SPATA6: variants seen among roughly 807,000 people sequenced by gnomAD.
The protein encoded by SPATA6 is spermatogenesis associated 6, also known as spermatogenesis-associated protein 6.
SPATA6 carries 56 observed loss-of-function variants against 65.3 expected under a neutral mutation model. The ratio of observed to expected loss-of-function variants is 0.86; its 90% CI spans 0.69 to 1.07. The LOEUF is 1.07. Among genes scored for constraint, SPATA6 ranks in the 50% least tolerant of loss-of-function variants. The pLI is 0.00. For missense variants in SPATA6, 590 were observed against 594.8 expected, an observed-to-expected ratio of 0.99 and a Z score of 0.08; for synonymous variants, 199 against 213.2, an observed-to-expected ratio of 0.93 and a Z score of 0.58.
At chr1:48,304,569 C>T (rs1271122942) in intron 12 of SPATA6, among the ~76,000 whole-genome samples, 1 of 152,122 alleles carries the variant, frequency 6.6e-6, no homozygotes, top group Non-Finnish European at 1.5e-5. Flanking sequence ...TTCTCAAACT[C>T]TTGGCCTCAA....
chr1:48,416,121 G>T (rs1652759146), intron 3 of SPATA6, among the ~76,000 whole-genome samples: 1 of 152,084 alleles, frequency 6.6e-6, no homozygotes, highest in African/African-American at 2.4e-5. Flanking sequence ...GAGATCACTT[G>T]AGCCAGGGAG....
At chr1:48,312,141 A>G (rs906207537) in intron 11 of SPATA6, among the ~76,000 whole-genome samples, 2 of 152,224 alleles carry the variant, frequency 1.3e-5, no homozygotes, top group Non-Finnish European at 2.9e-5. Context: ...CTCTGGGGGC[A>G]GGGAATAGCG....
Position 48,385,170 on chromosome 1 carries a change from A to G in SPATA6, c.909+139T>C. On this transcript the variant is annotated intron_variant, in intron 9 of 12. Coordinates refer to ENST00000371847, the MANE Select transcript of SPATA6 (RefSeq NM_019073.4). ...TGCCTGACAAAGTAACCAAAATAACATTATATGACAATTATTGTTTTTACA... is the reference window on the plus strand; with the variant it reads ...TGCCTGACAAAGTAACCAAAATAACGTTATATGACAATTATTGTTTTTACA... 4 of 777,718 alleles carry G rather than the reference A, an allele frequency of 5.1e-6. 1 individual carries two copies. In the South Asian group the frequency reaches 1.5e-4, roughly 29 times the overall value. The allele number at this position is 777,718 out of a possible 1,614,324, so 48.2% of individuals were successfully genotyped here.
At chr1:48,317,916 C>G (rs1014067085) in intron 11 of SPATA6, among the ~76,000 whole-genome samples, 3 of 152,102 alleles carry the variant, frequency 2.0e-5, no homozygotes, top group Admixed American at 1.3e-4. Context: ...CAGTAAAATA[C>G]TAGCAAGCCA....
intron 10 of SPATA6, among the ~76,000 whole-genome samples, chr1:48,357,703 C>T (rs1646697652): frequency 1.3e-5 from 2 of 152,038 alleles, no homozygotes; most frequent in Non-Finnish European, 2.9e-5. Context: ...CAGAGAATGT[C>T]TTATATTTAA....
chr1:48,314,090 T>C (rs1459650176), intron 11 of SPATA6, among the ~76,000 whole-genome samples: 1 of 152,070 alleles, frequency 6.6e-6, no homozygotes, highest in Non-Finnish European at 1.5e-5. Context: ...ACAATAATAA[T>C]GGGAGACTTT....
intron 12 of SPATA6, among the ~76,000 whole-genome samples, chr1:48,305,539 T>C (rs1645040188): frequency 6.6e-6 from 1 of 152,080 alleles, no homozygotes; most frequent in African/African-American, 2.4e-5. Flanking sequence ...AAATACACAT[T>C]CTGAAGTATG....
chr1:48,350,302 C>CT (rs545116914), intron 11 of SPATA6, among the ~76,000 whole-genome samples: 86 of 140,484 alleles, frequency 6.1e-4, no homozygotes, highest in East Asian at 8.2e-4. Context: ...GCTTTTCTTT[C>CT]TTTTTTTTTT....
intron 1 of SPATA6, among the ~76,000 whole-genome samples, chr1:48,461,260 T>G (rs1467132819): frequency 6.6e-6 from 1 of 152,182 alleles, no homozygotes; most frequent in Non-Finnish European, 1.5e-5. Context: ...ATGAGTAGGT[T>G]GCGAAAATTT....
the SPATA6 span, among the ~76,000 whole-genome samples, chr1:48,275,847 T>C: frequency 6.6e-6 from 1 of 152,220 alleles, no homozygotes; most frequent in East Asian, 1.9e-4. Context: ...GCTGGACTCA[T>C]AAAATGAGTT....
At chr1:48,413,718 T>C (rs1231848136) in intron 3 of SPATA6, among the ~76,000 whole-genome samples, 1 of 152,148 alleles carries the variant, frequency 6.6e-6, no homozygotes, top group Non-Finnish European at 1.5e-5. Context: ...ACCTGTGCCA[T>C]CAAAAATCCA....
At chr1:48,324,917 G>A (rs981565601) in intron 11 of SPATA6, among the ~76,000 whole-genome samples, 2 of 152,108 alleles carry the variant, frequency 1.3e-5, no homozygotes, top group African/African-American at 4.8e-5. Flanking sequence ...ATCTTTCCTT[G>A]CAGATGATGC....
At chr1:48,287,155 A>T in the SPATA6 span, among the ~76,000 whole-genome samples, 1 of 152,112 alleles carries the variant, frequency 6.6e-6, no homozygotes, top group African/African-American at 2.4e-5. Context: ...GCCAGAAGGC[A>T]AAGGGGGAGC....
At chr1:48,321,810 C>T (rs1645606859) in intron 11 of SPATA6, among the ~76,000 whole-genome samples, 1 of 152,096 alleles carries the variant, frequency 6.6e-6, no homozygotes, top group Non-Finnish European at 1.5e-5. Context: ...TATCATGTGT[C>T]TTCTCTGACC....
At chr1:48,448,207 G>A (rs1343966936) in intron 3 of SPATA6, among the ~76,000 whole-genome samples, 1 of 150,680 alleles carries the variant, frequency 6.6e-6, no homozygotes, top group East Asian at 1.9e-4. Flanking sequence ...GCTGCAGTCG[G>A]CCATGTTCAT....
chr1:48,468,351 T>C (rs1570663537), intron 1 of SPATA6, among the ~76,000 whole-genome samples: 1 of 152,256 alleles, frequency 6.6e-6, no homozygotes, highest in African/African-American at 2.4e-5. Context: ...GATTCATCCA[T>C]GTTGTTGGTT....
chr1:48,411,167 C>T (rs1652191486), intron 5 of SPATA6, among the ~76,000 whole-genome samples: 2 of 152,070 alleles, frequency 1.3e-5, no homozygotes, highest in Admixed American at 6.6e-5. Context: ...ATGTCAATTA[C>T]AATTTAAAAA....
chr1:48,369,276 A>T (rs2148852260), intron 9 of SPATA6, among the ~76,000 whole-genome samples: 1 of 152,286 alleles, frequency 6.6e-6, no homozygotes, highest in Non-Finnish European at 1.5e-5. Context: ...CAGTTCTCAG[A>T]TCTCCAGCTG....
Position 48,471,978 on chromosome 1 carries a change from G to A in SPATA6, c.31C>T (p.Leu11=). MPKVKALQCA[L]ALEISSVTCP... ...CTCACTGAGCTGATCTCCAGCGCCA[G>A]GGCGCACTGCAGCGCCTTCACCTTC... is the stretch of plus-strand genomic sequence containing the variant. Residue 11 remains leucine (L), a synonymous_variant, in exon 1 of 13, where the codon CTG becomes TTG. Coordinates refer to ENST00000371847, the MANE Select transcript of SPATA6 (RefSeq NM_019073.4). 1.2e-6 allele frequency: 2 copies of A among 1,601,720 alleles called. No homozygotes were observed. The highest frequency in any genetic ancestry group is 1.4e-5 in the African/African-American group (1 of 74,010).
Sources: gnomAD v4.1 joint callset for allele counts (sites outside exome capture counted in the v4.1 genomes callset) on GRCh38, gnomAD v4.1.1 for gene constraint, MANE v1.5 for transcripts, NCBI Gene and HGNC (gene_info 2026-07-23, HGNC 2026-07-21) for gene names.